FOXO3: variants seen among roughly 807,000 people sequenced by gnomAD.
The protein encoded by FOXO3 is forkhead box O3, also known as forkhead box protein O3.
In FOXO3, 4 loss-of-function variants were observed where a neutral mutation model predicts 41.9. The observed-to-expected ratio is 0.10, with a 90% CI of 0.05 to 0.22. FOXO3 has a LOEUF of 0.22. Ranked by LOEUF, FOXO3 falls within the 10% of genes least tolerant of loss-of-function variation. The pLI is 1.00. For missense variants in FOXO3, 534 were observed against 906.8 expected (o/e 0.59, Z 5.28); for synonymous variants, 318 against 389.3 (o/e 0.82, Z 2.16).
intron 1 of FOXO3, chr6:108,656,298 A>G: frequency 2.1e-6 from 2 of 931,174 alleles, no homozygotes; most frequent in South Asian, 4.9e-5. Context: ...CTTCCAGACA[A>G]AAACCTCTCT....
chr6:108,645,110 CTT>C (rs1207953259), intron 1 of FOXO3, among the ~76,000 whole-genome samples: 7 of 152,264 alleles, frequency 4.6e-5, no homozygotes, highest in Admixed American at 4.6e-4. Flanking sequence ...ATAAAAATAA[CTT>C]TTATTTTTTA....
chr6:108,629,454 A>G (rs999978157), intron 1 of FOXO3, among the ~76,000 whole-genome samples: 1 of 152,168 alleles, frequency 6.6e-6, no homozygotes, highest in Non-Finnish European at 1.5e-5. Flanking sequence ...TAGGGGTGTC[A>G]GTTTAGCGGG....
chr6:108,595,003 A>G (rs1776838170), intron 1 of FOXO3, among the ~76,000 whole-genome samples: 1 of 152,084 alleles, frequency 6.6e-6, no homozygotes, highest in Non-Finnish European at 1.5e-5. Flanking sequence ...AATCCAAAGT[A>G]TTTTCATGGT....
chr6:108,648,849 TA>T (rs1195907022), intron 1 of FOXO3, among the ~76,000 whole-genome samples: 1 of 150,966 alleles, frequency 6.6e-6, no homozygotes, highest in African/African-American at 2.4e-5. Context: ...AATAAAAAAT[TA>T]GTGAAGTGTA....
chr6:108,571,406 A>T (rs1253133007), intron 1 of FOXO3, among the ~76,000 whole-genome samples: 10 of 152,294 alleles, frequency 6.6e-5, no homozygotes, highest in African/African-American at 2.4e-4. Flanking sequence ...AGTTCCTCTA[A>T]AATTCATGTC....
intron 1 of FOXO3, among the ~76,000 whole-genome samples, chr6:108,621,731 T>C (rs1399844275): frequency 6.6e-6 from 1 of 151,998 alleles, no homozygotes; most frequent in Non-Finnish European, 1.5e-5. Context: ...TTCAGAAGTA[T>C]GTGGGAGAGA....
At chr6:108,677,296 GC>G (rs1770646630) in intron 2 of FOXO3, among the ~76,000 whole-genome samples, 1 of 152,212 alleles carries the variant, frequency 6.6e-6, no homozygotes, top group East Asian at 1.9e-4. Context: ...TGGATATTAA[GC>G]CTGGGGACTG....
rs1415832829 is a variant in FOXO3 at position 108,561,471 on chromosome 6, T to G, written c.263T>G (p.Leu88Arg). 1.3e-6 allele frequency: 2 copies of G among 1,528,032 alleles called. No homozygotes were observed. Among genetic ancestry groups the G allele is most frequent in the East Asian group, 5.0e-5 (2 of 39,738 alleles). The allele number at this position is 1,528,032 out of a possible 1,614,324, so 94.7% of individuals were successfully genotyped here. Residue 88 changes from leucine to arginine, a missense_variant, in exon 1 of 3, where the codon CTG becomes CGG. Leu to Arg is a moderately radical substitution (Grantham distance 102). Coordinates refer to ENST00000406360, the MANE Select transcript of FOXO3 (RefSeq NM_001455.4). Reference sequence around the variant, plus strand: ...GGCGGCGGCGGCGGGAGCGGCACGCTGGGCTCCGGGCTGCTCCTTGAGGAC... The same window carrying G: ...GGCGGCGGCGGCGGGAGCGGCACGCGGGGCTCCGGGCTGCTCCTTGAGGAC... ...AIGGGGGSGT[L>R]GSGLLLEDSA...
chr6:108,559,944 C>T (rs562096427), upstream of FOXO3: 1 of 152,012 alleles, frequency 6.6e-6, no homozygotes, highest in South Asian at 2.1e-4. Flanking sequence ...TGCGCGCCCC[C>T]TCCTCGCCGT....
intron 1 of FOXO3, among the ~76,000 whole-genome samples, chr6:108,630,392 G>A (rs568769483): frequency 2.0e-5 from 3 of 152,264 alleles, no homozygotes; most frequent in African/African-American, 7.2e-5. Context: ...AAGAGAGACT[G>A]CGTTAGACTG....
At chr6:108,622,321 G>A (rs1777693482) in intron 1 of FOXO3, among the ~76,000 whole-genome samples, 1 of 151,392 alleles carries the variant, frequency 6.6e-6, no homozygotes, top group Non-Finnish European at 1.5e-5. Context: ...TGGAGAGCTG[G>A]AGGGTCAGGA....
At chr6:108,563,657 T>C (rs1395711419) in intron 1 of FOXO3, among the ~76,000 whole-genome samples, 1 of 152,236 alleles carries the variant, frequency 6.6e-6, no homozygotes, top group Non-Finnish European at 1.5e-5. Context: ...TAGTTAACTT[T>C]AAACTTAGTT....
intron 1 of FOXO3, among the ~76,000 whole-genome samples, chr6:108,630,065 TC>T (rs1777923042): frequency 6.6e-6 from 1 of 152,180 alleles, no homozygotes; most frequent in Non-Finnish European, 1.5e-5. Context: ...TGTTGCTCCT[TC>T]CTGAGAGAAG....
chr6:108,560,571 G>A (rs1278084918), upstream of FOXO3, among the ~76,000 whole-genome samples: 3 of 152,170 alleles, frequency 2.0e-5, no homozygotes, highest in Non-Finnish European at 2.9e-5. Flanking sequence ...CCGGGTGGGG[G>A]GTGACGGGGG....
At chr6:108,647,602 C>A (rs1778427817) in intron 1 of FOXO3, among the ~76,000 whole-genome samples, 1 of 152,150 alleles carries the variant, frequency 6.6e-6, no homozygotes. Context: ...TATCAAAGAG[C>A]ACATTATTTG....
At chr6:108,657,655 A>G (rs185357905) in intron 1 of FOXO3, among the ~76,000 whole-genome samples, 122 of 152,336 alleles carry the variant, frequency 8.0e-4, no homozygotes, top group African/African-American at 2.2e-3. Context: ...AATTTAGACT[A>G]TTTGGTAAGG....
At chr6:108,607,753 C>T (rs1777247883) in intron 1 of FOXO3, among the ~76,000 whole-genome samples, 1 of 152,122 alleles carries the variant, frequency 6.6e-6, no homozygotes, top group Non-Finnish European at 1.5e-5. Flanking sequence ...GGATGGCTTA[C>T]TTCAGATGCT....
intron 1 of FOXO3, among the ~76,000 whole-genome samples, chr6:108,568,064 T>G (rs62428907): frequency 6.6e-6 from 1 of 151,024 alleles, no homozygotes; most frequent in South Asian, 2.1e-4. Context: ...AAAAAAAAAT[T>G]AGCTCTGTTG....
intron 1 of FOXO3, among the ~76,000 whole-genome samples, chr6:108,592,967 C>T (rs1489730545): frequency 6.6e-6 from 1 of 152,174 alleles, no homozygotes; most frequent in Non-Finnish European, 1.5e-5. Context: ...GGTGTGTCCA[C>T]AGAGAGATGG....
Sources: allele counts gnomAD v4.1 joint callset (sites outside exome capture counted in the v4.1 genomes callset), GRCh38; gene constraint gnomAD v4.1.1; transcripts MANE v1.5; gene names NCBI Gene and HGNC (gene_info 2026-07-23, HGNC 2026-07-21).